Variants in S100Z observed in about 807,000 individuals in gnomAD.
The protein encoded by S100Z is protein S100-Z.
S100Z carries 11 observed loss-of-function variants against 8.5 expected under a neutral mutation model. The observed-to-expected ratio is 1.30, with a 90% confidence interval of 0.82 to 2.15. S100Z has a LOEUF of 2.15. Among genes scored for constraint, S100Z ranks in the 30% most tolerant of loss-of-function variants. The pLI is 0.00. For missense variants in S100Z, 126 were observed against 117.9 expected, an observed-to-expected ratio of 1.07 and a Z score of -0.32; for synonymous variants, 34 against 43.8, an observed-to-expected ratio of 0.78 and a Z score of 0.89.
At chr5:76,951,202 A>G in the S100Z span, among the ~76,000 whole-genome samples, 1 of 152,162 alleles carries the variant, frequency 6.6e-6, no homozygotes, top group Non-Finnish European at 1.5e-5. Context: ...AAAATCAGTC[A>G]CTATGTTAGT....
At chr5:76,929,920 A>AG in the S100Z span, among the ~76,000 whole-genome samples, 2 of 152,238 alleles carry the variant, frequency 1.3e-5, no homozygotes, top group East Asian at 3.8e-4. Context: ...GCTAACAGAA[A>AG]CAGGTAAAAG....
At chr5:76,874,651 G>C (rs1367936651) in intron 2 of S100Z, among the ~76,000 whole-genome samples, 1 of 152,178 alleles carries the variant, frequency 6.6e-6, no homozygotes, top group East Asian at 1.9e-4. Context: ...ACCATTGACA[G>C]AGCTGTGTAT....
At chr5:76,908,830 A>G (rs940010591) in intron 4 of S100Z, among the ~76,000 whole-genome samples, 1 of 152,144 alleles carries the variant, frequency 6.6e-6, no homozygotes, top group South Asian at 2.1e-4. Context: ...TAAAGTCTCA[A>G]TACTAACAGG....
At chr5:76,856,533 G>T (rs1750886860) in intron 1 of S100Z, among the ~76,000 whole-genome samples, 1 of 152,184 alleles carries the variant, frequency 6.6e-6, no homozygotes, top group South Asian at 2.1e-4. Context: ...CCGAGTCTCA[G>T]GTATTTCTTT....
intron 4 of S100Z, among the ~76,000 whole-genome samples, chr5:76,903,596 T>C (rs1744309830): frequency 6.6e-6 from 1 of 152,220 alleles, no homozygotes; most frequent in Non-Finnish European, 1.5e-5. Flanking sequence ...GGTATCATTA[T>C]ATTTAAAAAT....
At chr5:76,902,278 C>T (rs1744254452) in intron 4 of S100Z, among the ~76,000 whole-genome samples, 1 of 152,190 alleles carries the variant, frequency 6.6e-6, no homozygotes, top group Non-Finnish European at 1.5e-5. Flanking sequence ...AGTTCAGTCA[C>T]AGGACTCACT....
intron 4 of S100Z, among the ~76,000 whole-genome samples, chr5:76,905,574 G>A (rs563951755): frequency 5.7e-4 from 86 of 150,908 alleles, no homozygotes; most frequent in Middle Eastern, 3.5e-3. Context: ...CACCACGCCC[G>A]TCTAATTTTT....
chr5:76,932,904 G>A, the S100Z span, among the ~76,000 whole-genome samples: 6 of 152,196 alleles, frequency 3.9e-5, no homozygotes, highest in Non-Finnish European at 8.8e-5. Context: ...TAAACAAAGC[G>A]GCTTAGTACC....
rs760476727 is a variant in S100Z, at chr5:76,875,500, G to C, written c.141G>C (p.Ser47=). The C allele has an allele frequency of 6.2e-7, 1 of 1,605,590 alleles. No homozygotes were observed. Among genetic ancestry groups the C allele is most frequent in the African/African-American group, 1.3e-5 (1 of 74,576 alleles). ...LLQRELTEFL[S]CQKETQLVDK... is the part of the protein sequence containing the mutation. ...AGCGAGAGCTCACGGAATTCCTCTC[G>C]GTGAGTCAGGCCTTTGTAAATGCTG... Residue 47 remains serine (S), a splice_region_variant and synonymous_variant, in exon 3 of 5, where the codon TCG becomes TCC. Coordinates refer to ENST00000317593, the MANE Select transcript of S100Z (RefSeq NM_130772.4).
At chr5:76,864,812 G>A (rs1751208437) in intron 1 of S100Z, among the ~76,000 whole-genome samples, 1 of 152,128 alleles carries the variant, frequency 6.6e-6, no homozygotes, top group Non-Finnish European at 1.5e-5. Flanking sequence ...GGGTTCAAGT[G>A]ATTCTTCTGC....
chr5:76,934,374 T>G, the S100Z span, among the ~76,000 whole-genome samples: 2 of 152,170 alleles, frequency 1.3e-5, no homozygotes, highest in Non-Finnish European at 2.9e-5. Context: ...AAAATGCAAC[T>G]AAGGAAAGAT....
At chr5:76,912,882 CAGAG>C (rs36029083) in intron 4 of S100Z, among the ~76,000 whole-genome samples, 109 of 147,762 alleles carry the variant, frequency 7.4e-4, no homozygotes, top group Middle Eastern at 3.4e-3. Flanking sequence ...AAGAAGGAGT[CAGAG>C]AGAGAGAGAG....
the S100Z span, among the ~76,000 whole-genome samples, chr5:76,941,091 G>T: frequency 6.6e-6 from 1 of 152,124 alleles, no homozygotes; most frequent in East Asian, 1.9e-4. Context: ...AAAGAAAAGA[G>T]GTTTAATTGG....
chr5:76,887,460 C>A (rs1400723356), intron 4 of S100Z, among the ~76,000 whole-genome samples: 1 of 132,880 alleles, frequency 7.5e-6, no homozygotes, highest in African/African-American at 2.8e-5. Context: ...AGGGCAGTGG[C>A]ACTATCTTGG....
chr5:76,904,319 A>G (rs1744346781), intron 4 of S100Z, among the ~76,000 whole-genome samples: 2 of 151,676 alleles, frequency 1.3e-5, no homozygotes, highest in Admixed American at 1.3e-4. Flanking sequence ...CTCAGCCTCC[A>G]AAGTAGCTGG....
chr5:76,951,520 A>C, the S100Z span, among the ~76,000 whole-genome samples: 2 of 152,196 alleles, frequency 1.3e-5, no homozygotes, highest in Non-Finnish European at 2.9e-5. Flanking sequence ...ATCAATGGGA[A>C]AGAGAAGAGG....
chr5:76,880,279 T>C (rs1743356699), intron 4 of S100Z, among the ~76,000 whole-genome samples: 1 of 152,238 alleles, frequency 6.6e-6, no homozygotes. Context: ...TCTGGATGTA[T>C]ATGTGCAGGT....
chr5:76,919,504 C>T (rs1744964381), intron 4 of S100Z, among the ~76,000 whole-genome samples: 1 of 151,254 alleles, frequency 6.6e-6, no homozygotes, highest in Non-Finnish European at 1.5e-5. Context: ...GGTATCTGTT[C>T]AGGTCTTCTC....
At chr5:76,870,582 T>C (rs549677841) in intron 2 of S100Z, among the ~76,000 whole-genome samples, 116 of 152,210 alleles carry the variant, frequency 7.6e-4, no homozygotes, top group African/African-American at 2.6e-3. Flanking sequence ...TGAGTAAAAC[T>C]AGTTTTAACT....
Sources: allele counts gnomAD v4.1 joint callset (sites outside exome capture counted in the v4.1 genomes callset), GRCh38; gene constraint gnomAD v4.1.1; transcripts MANE v1.5; gene names NCBI Gene and HGNC (gene_info 2026-07-23, HGNC 2026-07-21).